XK: variants seen among roughly 807,000 people sequenced by gnomAD.
XK encodes the protein endoplasmic reticulum membrane adapter protein XK.
Under a neutral mutation model 14.0 loss-of-function variants are expected in XK, and 2 were observed. The observed-to-expected ratio is 0.14, with a 90% CI of 0.06 to 0.45. XK has a LOEUF of 0.45. Among genes scored for constraint, XK ranks in the 20% least tolerant of loss-of-function variants. The pLI, the probability that XK is intolerant of heterozygous loss-of-function variation, is 0.98. For synonymous variants in XK, 149 were observed against 147.5 expected (o/e 1.01, Z -0.08); for missense variants, 235 against 341.5 (o/e 0.69, Z 2.46).
At chrX:37,696,415 A>G (rs1279785347) in intron 2 of XK, among the ~76,000 whole-genome samples, 1 of 113,063 alleles carries the variant, frequency 8.8e-6, no homozygotes, top group African/African-American at 3.2e-5. Flanking sequence ...AAGAACTTGG[A>G]AAAACAGAAG....
At chrX:37,701,105 T>C (rs782053912) in intron 2 of XK, among the ~76,000 whole-genome samples, 1 of 111,955 alleles carries the variant, frequency 8.9e-6, no homozygotes, top group Non-Finnish European at 1.9e-5. Flanking sequence ...ATAAAAGCTC[T>C]CTGGCCTAGG....
intron 1 of XK, among the ~76,000 whole-genome samples, chrX:37,690,490 T>TATTCCTTAG (rs1395442536): frequency 1.8e-5 from 2 of 112,392 alleles, no homozygotes; most frequent in Non-Finnish European, 3.8e-5. Context: ...ATAAGCTCCT[T>TATTCCTTAG]CTGCTATGAT....
intron 2 of XK, among the ~76,000 whole-genome samples, chrX:37,713,110 C>T (rs1556447082): frequency 1.8e-5 from 2 of 111,735 alleles, no homozygotes; most frequent in South Asian, 3.8e-4. Context: ...TAATAGCAGT[C>T]GTTTCTCTTC....
At chrX:37,696,391 C>T (rs1266771006) in intron 2 of XK, among the ~76,000 whole-genome samples, 1 of 112,715 alleles carries the variant, frequency 8.9e-6, no homozygotes, top group Non-Finnish European at 1.9e-5. Context: ...CAAGGGATAT[C>T]TGAAATGTCC....
rs1205585478 is a variant in XK at position 37,727,716 on chromosome X, G to A, written c.589G>A (p.Asp197Asn). 1 of 1,211,197 alleles carries A rather than the reference G, an allele frequency of 8.3e-7. No individual in the cohort carries two copies. The highest frequency in any genetic ancestry group is 1.1e-6 in the Non-Finnish European group (1 of 895,328). ...CNILAIKIKY[D>N]EYEVKVKPLA... ...CATCCTAGCCATCAAAATCAAGTACGATGAGTATGAAGTCAAAGTGAAGCC... is the reference window on the plus strand; with the variant it reads ...CATCCTAGCCATCAAAATCAAGTACAATGAGTATGAAGTCAAAGTGAAGCC... The change falls in exon 3 of 3, where the codon GAT becomes AAT. Residue 197 changes from aspartate to asparagine, a missense_variant. Transcript: ENST00000378616.
intron 2 of XK, among the ~76,000 whole-genome samples, chrX:37,716,040 C>T (rs1168621412): frequency 8.9e-6 from 1 of 111,863 alleles, no homozygotes. Flanking sequence ...CTCCTACCCA[C>T]CTCCACACAA....
intron 2 of XK, among the ~76,000 whole-genome samples, chrX:37,698,543 C>CA (rs35497516): frequency 0.089 from 2,384 of 26,873 alleles, 305 homozygotes; most frequent in East Asian, 0.28. Context: ...GACCTTGCCT[C>CA]AAAAAAAAAA....
At chrX:37,687,188 C>G (rs1219269699) in intron 1 of XK, among the ~76,000 whole-genome samples, 1 of 97,081 alleles carries the variant, frequency 1.0e-5, no homozygotes, top group Non-Finnish European at 2.0e-5. Context: ...CTTTCTCTCT[C>G]TCTCTTACAC....
chrX:37,691,543 AT>A (rs1187140144), intron 1 of XK, among the ~76,000 whole-genome samples: 1 of 112,049 alleles, frequency 8.9e-6, no homozygotes, highest in Non-Finnish European at 1.9e-5. Flanking sequence ...AAATGCGTAT[AT>A]TCTCATCATG....
chrX:37,713,458 T>C (rs146855235), intron 2 of XK, among the ~76,000 whole-genome samples: 1,372 of 111,891 alleles, frequency 0.012, 11 homozygotes, highest in African/African-American at 0.042. Flanking sequence ...TAGACCCTAC[T>C]TGTTGATAGG....
intron 2 of XK, among the ~76,000 whole-genome samples, chrX:37,723,131 C>A (rs781794334): frequency 9.0e-6 from 1 of 110,894 alleles, no homozygotes; most frequent in South Asian, 3.8e-4. Context: ...CCATACACAC[C>A]CCTAGGAAAT....
In XK at chrX:37,731,848, T is replaced by A. The variant is rs932081601; in HGVS notation, c.*3386T>A. On this transcript the variant is annotated 3_prime_UTR_variant, in exon 3 of 3. Transcript: ENST00000378616. ...AGCAACATCTTTTGATAATTGTGCT[T>A]TACAACTTGAATGCTGATTCAAGGC... 15 of 112,415 alleles carry A rather than the reference T, an allele frequency of 1.3e-4. No homozygotes were observed. Among genetic ancestry groups the A allele is most frequent in the Non-Finnish European group, 2.6e-4 (14 of 53,244 alleles). 9.3% of individuals were successfully genotyped at this position (112,415 alleles called of 1,213,427 possible). A position where few individuals can be genotyped will look rare whatever the true frequency, so the allele number is the denominator to read the frequency against.
intron 2 of XK, among the ~76,000 whole-genome samples, chrX:37,708,555 A>G (rs1314644025): frequency 8.9e-6 from 1 of 112,464 alleles, no homozygotes; most frequent in African/African-American, 3.2e-5. Context: ...ATGTTATGGC[A>G]GTCATAGGAA....
Position 37,686,073 on chromosome X carries a change from G to T in XK, c.112G>T (p.Ala38Ser). The T allele has an allele frequency of 6.6e-6, 8 of 1,211,741 alleles. No individual in the cohort carries two copies. Among genetic ancestry groups the T allele is most frequent in the Non-Finnish European group, 7.8e-6 (7 of 895,516 alleles). ...CTCGGGCGGGGACCGCATGTGGCAG[G>T]CGCTGACGTTGCTTTTCTCGCTACT... Reference protein sequence around the residue: ...YRSGGDRMWQALTLLFSLLPC... With the variant: ...YRSGGDRMWQSLTLLFSLLPC... The change falls in exon 1 of 3, where the codon GCG becomes TCG. Residue 38 changes from alanine to serine, a missense_variant. Coordinates refer to ENST00000378616, the MANE Select transcript of XK (RefSeq NM_021083.4).
chrX:37,687,818 A>G (rs1310488311), intron 1 of XK, among the ~76,000 whole-genome samples: 2 of 110,932 alleles, frequency 1.8e-5, no homozygotes, highest in Non-Finnish European at 3.8e-5. Context: ...GTACACTGGC[A>G]GGAGTGGGAG....
chrX:37,719,573 A>G (rs1203502800), intron 2 of XK, among the ~76,000 whole-genome samples: 1 of 110,951 alleles, frequency 9.0e-6, no homozygotes, highest in Non-Finnish European at 1.9e-5. Flanking sequence ...TTATAGCTGT[A>G]TCTAATCTGC....
At chrX:37,686,250 T>C in intron 1 of XK, 44 bp downstream of exon 1, 9 of 1,192,451 alleles carry the variant, frequency 7.5e-6, no homozygotes, top group Non-Finnish European at 1.0e-5. Context: ...GCAGCCTCGG[T>C]CCTGTAGCCT....
intron 1 of XK, among the ~76,000 whole-genome samples, chrX:37,689,563 GTTAAACTGC>G (rs1927165564): frequency 8.9e-6 from 1 of 111,970 alleles, no homozygotes; most frequent in South Asian, 3.7e-4. Context: ...CGATGGCCCA[GTTAAACTGC>G]AATACATTAC....
Position 37,701,601 on chromosome X carries a change from G to A in XK, c.508+7053G>A, listed in dbSNP as rs781811776. On this transcript the variant is annotated intron_variant, in intron 2 of 2. Transcript: ENST00000378616. ...CTTGGACTTTCATTTACTCCTGCTG[G>A]GCAGGTTTGCTCATGTGTAAAATAG... 2.7e-5 allele frequency among the ~76,000 whole-genome samples: 3 copies of A among 112,481 alleles called. No individual in the cohort carries two copies. In the South Asian group the frequency reaches 1.1e-3, roughly 41 times the overall value.
Sources: allele counts gnomAD v4.1 joint callset (sites outside exome capture counted in the v4.1 genomes callset), GRCh38; gene constraint gnomAD v4.1.1; transcripts MANE v1.5; gene names NCBI Gene and HGNC (gene_info 2026-07-23, HGNC 2026-07-21).